Variants in PDIA5 observed in about 807,000 individuals in gnomAD.
PDIA5 encodes protein disulfide-isomerase A5.
Under a neutral mutation model 77.6 loss-of-function variants are expected in PDIA5, and 58 were observed. The observed-to-expected ratio is 0.75, with a 90% confidence interval of 0.61 to 0.93. The LOEUF is 0.93. Ranked by LOEUF, PDIA5 falls within the 40% of genes least tolerant of loss-of-function variation. The pLI, the probability that PDIA5 is intolerant of heterozygous loss-of-function variation, is 0.00. For synonymous variants in PDIA5, 250 were observed against 252.1 expected, an observed-to-expected ratio of 0.99 and a Z score of 0.08; for missense variants, 630 against 647.7, an observed-to-expected ratio of 0.97 and a Z score of 0.30.
At chr3:123,119,090 A>G (rs1277282623) in intron 8 of PDIA5, among the ~76,000 whole-genome samples, 3 of 152,122 alleles carry the variant, frequency 2.0e-5, no homozygotes, top group African/African-American at 7.2e-5. Context: ...ATGTCTACAA[A>G]AAATTTTAAA....
chr3:123,124,003 G>A (rs1379572559), intron 8 of PDIA5, 63 bp from the exon 9 acceptor site: 19 of 991,144 alleles, frequency 1.9e-5, no homozygotes, highest in East Asian at 7.1e-5. Flanking sequence ...GACAGATGGC[G>A]TGTGGACTAG....
intron 5 of PDIA5, among the ~76,000 whole-genome samples, chr3:123,105,457 G>A (rs1445769866): frequency 6.6e-6 from 1 of 152,178 alleles, no homozygotes; most frequent in Non-Finnish European, 1.5e-5. Flanking sequence ...GCAAAGCCTT[G>A]ACAAGGGACT....
At chr3:123,110,411 A>G (rs977927666) in intron 6 of PDIA5, among the ~76,000 whole-genome samples, 3 of 152,012 alleles carry the variant, frequency 2.0e-5, no homozygotes, top group Admixed American at 6.6e-5. Context: ...GAGCCTGGGG[A>G]GAGATTAGCG....
intron 3 of PDIA5, among the ~76,000 whole-genome samples, chr3:123,098,265 G>A (rs922452795): frequency 6.6e-5 from 10 of 152,284 alleles, no homozygotes; most frequent in African/African-American, 2.2e-4. Context: ...AGATGTTGAA[G>A]CTGTCATTCT....
At chr3:123,074,619 T>A (rs1400039822) in intron 1 of PDIA5, among the ~76,000 whole-genome samples, 1 of 152,206 alleles carries the variant, frequency 6.6e-6, no homozygotes, top group East Asian at 1.9e-4. Context: ...AAATAGTGTT[T>A]CAGGATATCT....
Position 123,083,168 on chromosome 3 carries a change from C to A in PDIA5, c.43-6000C>A, listed in dbSNP as rs186915738. Among the ~76,000 whole-genome samples, 3 of 139,726 alleles carry A rather than the reference C, an allele frequency of 2.1e-5. No homozygotes were observed. In the East Asian group the frequency reaches 6.3e-4, roughly 29 times the overall value. 91.7% of individuals were successfully genotyped at this position (139,726 alleles called of 152,430 possible). ...TGTTGGGCTCTGAAGAGAGCCTGTA[C>A]TCAGGGGAGGGGTTGGGTGGTGGAA... On this transcript the variant is annotated intron_variant, in intron 1 of 16. Transcript: ENST00000316218.
chr3:123,102,699 G>A, intron 4 of PDIA5, 52 bp from the exon 5 acceptor site: 3 of 1,402,376 alleles, frequency 2.1e-6, no homozygotes, highest in Non-Finnish European at 1.0e-6. Context: ...CCAAAGGTAT[G>A]TATCTTCACA....
intron 8 of PDIA5, 140 bp downstream of exon 8, chr3:123,116,438 C>G (rs951145150): frequency 7.5e-6 from 5 of 663,570 alleles, no homozygotes; most frequent in Non-Finnish European, 1.1e-5. Context: ...TGAATCGCAG[C>G]CTTGCATGGA....
intron 11 of PDIA5, among the ~76,000 whole-genome samples, chr3:123,138,647 C>A (rs1273346196): frequency 6.6e-6 from 1 of 152,188 alleles, no homozygotes; most frequent in Non-Finnish European, 1.5e-5. Context: ...ATAGAGGCAT[C>A]TGTGAGTGTG....
In PDIA5 at chr3:123,124,090, T is replaced by C. The variant is rs1353753355; in HGVS notation, c.634T>C (p.Ser212Pro). 1.2e-6 allele frequency: 2 copies of C among 1,613,964 alleles called. No individual in the cohort carries two copies. The highest frequency in any genetic ancestry group is 1.7e-6 in the Non-Finnish European group (2 of 1,179,920). Residue 212 changes from serine (S) to proline (P), a missense_variant, in exon 9 of 17, where the codon TCC (serine) becomes CCC (proline). Ser to Pro is a moderately conservative substitution (Grantham distance 74, BLOSUM62 -1). Coordinates refer to ENST00000316218, the MANE Select transcript of PDIA5 (RefSeq NM_006810.4). ...GGTGCTGGCCGGGATGAATGTCTAC[T>C]CCTCTGAATTTGAAAACATCAAGGA... ...HAVLAGMNVY[S>P]SEFENIKEEY...
intron 11 of PDIA5, 46 bp downstream of exon 11, chr3:123,130,662 A>T: frequency 6.2e-7 from 1 of 1,603,904 alleles, no homozygotes; most frequent in Non-Finnish European, 8.5e-7. Flanking sequence ...CCCCTCTCTC[A>T]GAGTAGGATG....
At chr3:123,113,490 G>C (rs1466720117) in intron 7 of PDIA5, among the ~76,000 whole-genome samples, 1 of 152,202 alleles carries the variant, frequency 6.6e-6, no homozygotes, top group Non-Finnish European at 1.5e-5. Flanking sequence ...TGGTGGTAGG[G>C]GAGGGAGGAG....
Position 123,067,032 on chromosome 3 carries a change from G to C in PDIA5, c.-133G>C. The C allele has an allele frequency of 1.4e-6, 1 of 690,008 alleles. No individual in the cohort carries two copies. Among genetic ancestry groups the C allele is most frequent in the Non-Finnish European group, 2.0e-6 (1 of 492,508 alleles). The allele number at this position is 690,008 out of a possible 1,614,324, so 42.7% of individuals were successfully genotyped here. ...TGCTGCGCATGCTTTGGCAGACGTG[G>C]CACCGGGAACTCGGAGGCGGGGAGC... On this transcript the variant is annotated 5_prime_UTR_variant, in exon 1 of 17. Transcript: ENST00000316218.
At chr3:123,093,941 C>G (rs907771568) in intron 3 of PDIA5, among the ~76,000 whole-genome samples, 1 of 152,208 alleles carries the variant, frequency 6.6e-6, no homozygotes, top group Non-Finnish European at 1.5e-5. Context: ...AGGTGAAAGG[C>G]CTGCTGCTGT....
intron 1 of PDIA5, 131 bp from the exon 2 acceptor site, chr3:123,089,037 G>C (rs1934214076): frequency 1.3e-6 from 1 of 761,544 alleles, no homozygotes; most frequent in African/African-American, 1.7e-5. Flanking sequence ...TAGGTGTGGT[G>C]CATGAGATGT....
chr3:123,146,108 G>A lies in PDIA5; in HGVS notation c.991G>A (p.Val331Ile). 6.2e-7 allele frequency: 1 copy of A among 1,614,142 alleles called. No individual in the cohort carries two copies. Among genetic ancestry groups the A allele is most frequent in the Non-Finnish European group, 8.5e-7 (1 of 1,180,012 alleles). The change falls in exon 13 of 17, where the codon GTC (valine) becomes ATC (isoleucine). Residue 331 changes from valine (V) to isoleucine (I), a missense_variant. Physicochemically the swap from Val to Ile is conservative, Grantham distance 29. Transcript: ENST00000316218. ...ALHGEADSSG[V>I]LAAVDATVNK... ...CTTTCCCCCATCCCAGAGCTCTGGT[G>A]TCCTTGCAGCTGTCGATGCCACTGT...
At chr3:123,101,733 C>A (rs924957228) in intron 3 of PDIA5, among the ~76,000 whole-genome samples, 3 of 151,992 alleles carry the variant, frequency 2.0e-5, no homozygotes, top group Admixed American at 6.6e-5. Flanking sequence ...AAAAACTTGC[C>A]TGATAATTCT....
intron 7 of PDIA5, among the ~76,000 whole-genome samples, chr3:123,114,782 G>C (rs1378908091): frequency 6.6e-6 from 1 of 152,220 alleles, no homozygotes; most frequent in East Asian, 1.9e-4. Flanking sequence ...CTTATCTTCT[G>C]AGGGCAGATT....
intron 11 of PDIA5, among the ~76,000 whole-genome samples, chr3:123,134,358 C>T (rs556948423): frequency 2.0e-5 from 3 of 152,268 alleles, no homozygotes; most frequent in Middle Eastern, 3.4e-3. Flanking sequence ...ACCTGTGCCA[C>T]CCCAGGGGGG....
Sources: allele counts gnomAD v4.1 joint callset (sites outside exome capture counted in the v4.1 genomes callset), GRCh38; gene constraint gnomAD v4.1.1; transcripts MANE v1.5; gene names NCBI Gene and HGNC (gene_info 2026-07-23, HGNC 2026-07-21).